Variants in CLIC5 observed in about 807,000 individuals in gnomAD.
CLIC5 encodes the protein chloride intracellular channel protein 5.
CLIC5 carries 20 observed loss-of-function variants against 24.7 expected under a neutral mutation model. That is an observed-to-expected ratio of 0.81 (90% CI 0.57 to 1.18). The LOEUF is 1.18. CLIC5 is among the 50% of genes most tolerant of loss of function. CLIC5 has a pLI of 0.00. For synonymous variants in CLIC5, 159 were observed against 135.6 expected (o/e 1.17, Z -1.20); for missense variants, 341 against 326.1 (o/e 1.05, Z -0.35).
chr6:46,107,177 T>G, the CLIC5 span, among the ~76,000 whole-genome samples: 1 of 152,236 alleles, frequency 6.6e-6, no homozygotes, highest in Non-Finnish European at 1.5e-5. Context: ...CTTTTTTTTT[T>G]GCCTGGTTCT....
chr6:45,987,313 A>G (rs1765777215), intron 1 of CLIC5, among the ~76,000 whole-genome samples: 1 of 152,170 alleles, frequency 6.6e-6, no homozygotes, highest in Non-Finnish European at 1.5e-5. Context: ...GTTAGATTCC[A>G]GTTGGTGTGC....
chr6:45,997,208 C>A, intron 1 of CLIC5, among the ~76,000 whole-genome samples: 1 of 150,874 alleles, frequency 6.6e-6, no homozygotes, highest in Non-Finnish European at 1.5e-5. Flanking sequence ...TTTGTAGGGA[C>A]ATGGATGAAA....
At chr6:45,999,449 A>G (rs1017838447) in intron 1 of CLIC5, among the ~76,000 whole-genome samples, 2 of 152,206 alleles carry the variant, frequency 1.3e-5, no homozygotes, top group African/African-American at 4.8e-5. Flanking sequence ...GTATGTATAC[A>G]TATTATATAT....
chr6:46,025,680 T>C (rs1451372636), intron 1 of CLIC5, among the ~76,000 whole-genome samples: 2 of 152,198 alleles, frequency 1.3e-5, no homozygotes. Context: ...AAGAATGGAA[T>C]GCTGGATGGC....
intron 1 of CLIC5, among the ~76,000 whole-genome samples, chr6:46,005,121 G>A (rs1179064731): frequency 6.6e-6 from 1 of 152,202 alleles, no homozygotes; most frequent in Non-Finnish European, 1.5e-5. Context: ...CTGTTGCCAT[G>A]ACAATCTCCC....
intron 1 of CLIC5, among the ~76,000 whole-genome samples, chr6:46,062,272 T>C (rs1762304786): frequency 6.6e-6 from 1 of 152,218 alleles, no homozygotes; most frequent in Non-Finnish European, 1.5e-5. Flanking sequence ...ACAAAAATAC[T>C]TCAGTAGAGT....
intron 1 of CLIC5, among the ~76,000 whole-genome samples, chr6:46,052,793 G>T (rs1205809434): frequency 6.6e-6 from 1 of 151,986 alleles, no homozygotes; most frequent in African/African-American, 2.4e-5. Context: ...CCATTTGAGG[G>T]TGTGGGGAGA....
intron 1 of CLIC5, among the ~76,000 whole-genome samples, chr6:45,973,469 T>A (rs1337072057): frequency 6.6e-6 from 1 of 152,218 alleles, no homozygotes; most frequent in East Asian, 1.9e-4. Flanking sequence ...TCTATTTGTA[T>A]GACAGAGAGA....
chr6:46,023,181 T>C (rs1227613224), intron 1 of CLIC5, among the ~76,000 whole-genome samples: 1 of 152,186 alleles, frequency 6.6e-6, no homozygotes, highest in East Asian at 1.9e-4. Context: ...TTTATAAAGA[T>C]TCTAATTTGA....
the CLIC5 span, among the ~76,000 whole-genome samples, chr6:46,117,210 T>C: frequency 6.6e-6 from 1 of 152,130 alleles, no homozygotes; most frequent in Admixed American, 6.5e-5. Context: ...TACTCCACCA[T>C]GTAACACACC....
intron 1 of CLIC5, among the ~76,000 whole-genome samples, chr6:46,060,479 A>G (rs1762223170): frequency 1.3e-5 from 2 of 152,144 alleles, no homozygotes; most frequent in Non-Finnish European, 2.9e-5. Flanking sequence ...TGTGCCTAGA[A>G]TTTTACATAT....
intron 1 of CLIC5, among the ~76,000 whole-genome samples, chr6:46,027,295 T>C (rs937569433): frequency 5.9e-5 from 9 of 152,252 alleles, no homozygotes; most frequent in African/African-American, 1.9e-4. Context: ...AGCCCAGACC[T>C]GAAAGATGAA....
chr6:46,030,248 C>A (rs1238861152), intron 1 of CLIC5, among the ~76,000 whole-genome samples: 1 of 152,166 alleles, frequency 6.6e-6, no homozygotes, highest in Non-Finnish European at 1.5e-5. Flanking sequence ...GTGACATTGT[C>A]ATAGATCCTA....
chr6:46,017,494 A>T (rs150359881), upstream of CLIC5, among the ~76,000 whole-genome samples: 447 of 152,330 alleles, frequency 2.9e-3, 1 homozygote, highest in African/African-American at 9.4e-3. Context: ...GAAATGGTGA[A>T]GTCAGGATTT....
intron 1 of CLIC5, among the ~76,000 whole-genome samples, chr6:45,956,837 C>A (rs188181419): frequency 2.6e-5 from 4 of 152,144 alleles, no homozygotes; most frequent in African/African-American, 9.7e-5. Flanking sequence ...GCACGGACTC[C>A]GTTATATAAA....
At chr6:46,004,311 C>A (rs146513428) in intron 1 of CLIC5, among the ~76,000 whole-genome samples, 1 of 152,186 alleles carries the variant, frequency 6.6e-6, no homozygotes, top group East Asian at 1.9e-4. Flanking sequence ...TCTGTCCTTG[C>A]AGCACAGTTA....
chr6:45,977,650 C>T (rs145771810), intron 1 of CLIC5, among the ~76,000 whole-genome samples: 5 of 152,214 alleles, frequency 3.3e-5, no homozygotes, highest in African/African-American at 1.2e-4. Flanking sequence ...CCTCCCCTCC[C>T]CTCTAGGCAA....
Position 46,015,702 on chromosome 6 carries a change from G to T in CLIC5, c.-160C>A. On this transcript the variant is annotated 5_prime_UTR_variant, in exon 1 of 6. Coordinates refer to ENST00000339561, the MANE Select transcript of CLIC5 (RefSeq NM_016929.5). ...TCTATTCTCCAGCCCGAGCAGCGGG[G>T]TCTGAGAGATCAGTGTCCCAGATGC... 1.6e-6 allele frequency: 2 copies of T among 1,278,702 alleles called. No homozygotes were observed. The highest frequency in any genetic ancestry group is 2.0e-6 in the Non-Finnish European group (2 of 1,009,904). 79.2% of individuals were successfully genotyped at this position (1,278,702 alleles called of 1,614,324 possible).
chr6:46,019,087 A>AT (rs1434959777), upstream of CLIC5, among the ~76,000 whole-genome samples: 2 of 151,968 alleles, frequency 1.3e-5, no homozygotes, highest in Non-Finnish European at 2.9e-5. Context: ...TATAGTAAAA[A>AT]AAAAAAAGCC....
Sources: allele counts gnomAD v4.1 joint callset (sites outside exome capture counted in the v4.1 genomes callset), GRCh38; gene constraint gnomAD v4.1.1; transcripts MANE v1.5; gene names NCBI Gene and HGNC (gene_info 2026-07-23, HGNC 2026-07-21).